MCEMP1: variants seen among roughly 807,000 people sequenced by gnomAD.
MCEMP1 encodes the protein mast cell expressed membrane protein 1.
A neutral mutation model predicts 27.9 loss-of-function variants in MCEMP1; 17 were observed. The observed-to-expected ratio is 0.61, with a 90% CI of 0.42 to 0.91. MCEMP1 has a LOEUF of 0.91. Among genes scored for constraint, MCEMP1 ranks in the 40% least tolerant of loss-of-function variants. The probability of loss-of-function intolerance (pLI) is 0.00; values close to 1 mark genes in which losing one functional copy is unlikely to be tolerated. For missense variants in MCEMP1, 200 were observed against 204.8 expected (o/e 0.98, Z 0.14); for synonymous variants, 88 against 76.9 (o/e 1.14, Z -0.76).
Position 7,677,524 on chromosome 19 carries a change from C to G in MCEMP1, c.56-113C>G. The G allele has an allele frequency of 2.7e-6, 3 of 1,096,180 alleles. No individual in the cohort carries two copies. The Admixed American group carries it at 5.5e-5, about 20-fold the overall frequency. The allele number at this position is 1,096,180 out of a possible 1,614,324, so 67.9% of individuals were successfully genotyped here. A position where few individuals can be genotyped will look rare whatever the true frequency, so the allele number is the denominator to read the frequency against. The stretch of plus-strand genomic sequence containing the variant: ...CCAAAAAGCAGATTTTAGCTTCTCA[C>G]TCCTTATCTTTCACCCCCTACAATT... On this transcript the variant is annotated intron_variant, in intron 1 of 6. Transcript: ENST00000333598. This position sits in a 1 kb window ranked among gnomAD's most constrained non-coding sequence, Gnocchi z 4.6.
rs368138357 is a variant in MCEMP1, at chr19:7,678,633, G to A, written c.448+29G>A. ...CCTGTGTAGTCTCGCCTTCTATGGG[G>A]GTTATTTGTCACCAATGCCCGGAGC... On this transcript the variant is annotated intron_variant, in intron 5 of 6. Transcript: ENST00000333598. This position sits in a 1 kb window ranked among gnomAD's most constrained non-coding sequence, Gnocchi z 4.8. The A allele has an allele frequency of 1.3e-6, 2 of 1,583,526 alleles. No homozygotes were observed. Among genetic ancestry groups the A allele is most frequent in the Non-Finnish European group, 1.7e-6 (2 of 1,155,438 alleles).
rs778117035 is a variant in MCEMP1 at position 7,678,444 on chromosome 19, G to T, written c.334+44G>T. ...GGAGACCCGTGGGGTCATGGTGGGG[G>T]TCTGGAGAGGGATGGATGCACAGAC... On this transcript the variant is annotated intron_variant, in intron 4 of 6. Coordinates refer to ENST00000333598, the MANE Select transcript of MCEMP1 (RefSeq NM_174918.3). The surrounding 1 kb of genome is among the most constrained non-coding windows in gnomAD (Gnocchi z 4.8). 4 of 1,613,818 alleles carry T rather than the reference G, an allele frequency of 2.5e-6. No homozygotes were observed. The Admixed American group carries it at 5.0e-5, about 20-fold the overall frequency.
Position 7,677,523 on chromosome 19 carries a change from A to G in MCEMP1, c.56-114A>G, listed in dbSNP as rs2032566664. 4 of 1,079,560 alleles carry G rather than the reference A, an allele frequency of 3.7e-6. No individual in the cohort carries two copies. The Admixed American group carries it at 5.6e-5, about 15-fold the overall frequency. 66.9% of individuals were successfully genotyped at this position (1,079,560 alleles called of 1,614,324 possible). A position where few individuals can be genotyped will look rare whatever the true frequency, so the allele number is the denominator to read the frequency against. ...ACCAAAAAGCAGATTTTAGCTTCTC[A>G]CTCCTTATCTTTCACCCCCTACAAT... On this transcript the variant is annotated intron_variant, in intron 1 of 6. Transcript: ENST00000333598. This position sits in a 1 kb window ranked among gnomAD's most constrained non-coding sequence, Gnocchi z 4.6.
Position 7,679,231 on chromosome 19 carries a change from C to G in MCEMP1, c.*117C>G. On this transcript the variant is annotated 3_prime_UTR_variant, in exon 7 of 7. Coordinates refer to ENST00000333598, the MANE Select transcript of MCEMP1 (RefSeq NM_174918.3). The surrounding 1 kb of genome is among the most constrained non-coding windows in gnomAD (Gnocchi z 4.9). ...TAGTGTGAACCTGCCCCTCGTCCCA[C>G]GTATAGAAAAACCTCGAGTCATGGT... 8.1e-7 allele frequency: 1 copy of G among 1,236,230 alleles called. No homozygotes were observed. Among genetic ancestry groups the G allele is most frequent in the East Asian group, 2.8e-5 (1 of 35,616 alleles). The allele number at this position is 1,236,230 out of a possible 1,614,324, so 76.6% of individuals were successfully genotyped here. A position where few individuals can be genotyped will look rare whatever the true frequency, so the allele number is the denominator to read the frequency against.
chr19:7,678,487 T>C lies in MCEMP1; in HGVS notation c.335-4T>C, dbSNP rs2146254843. ...GCACAGACACCCCTGTTTCATGCCC[T>C]CAGTCTCAAACTCCGTACAAGCATG... On this transcript the variant is annotated splice_polypyrimidine_tract_variant and splice_region_variant and intron_variant, in intron 4 of 6. Coordinates refer to ENST00000333598, the MANE Select transcript of MCEMP1 (RefSeq NM_174918.3). The surrounding 1 kb of genome is among the most constrained non-coding windows in gnomAD (Gnocchi z 4.8). The C allele has an allele frequency of 3.1e-6, 5 of 1,614,000 alleles. No homozygotes were observed. The highest frequency in any genetic ancestry group is 1.7e-5 in the Admixed American group (1 of 60,010).
Position 7,679,279 on chromosome 19 carries a change from C to T in MCEMP1, c.*165C>T, listed in dbSNP as rs2032594565. 2.1e-5 allele frequency: 18 copies of T among 857,996 alleles called. No individual in the cohort carries two copies. In the Admixed American group the frequency reaches 5.3e-4, roughly 25 times the overall value. The allele number at this position is 857,996 out of a possible 1,614,324, so 53.1% of individuals were successfully genotyped here. The stretch of plus-strand genomic sequence containing the variant: ...GGTGAATGAGTGTCTCGGAGTTGCT[C>T]GTGTGTGTGTACACCTGCGTGCGTG... On this transcript the variant is annotated 3_prime_UTR_variant, in exon 7 of 7. Coordinates refer to ENST00000333598, the MANE Select transcript of MCEMP1 (RefSeq NM_174918.3). The surrounding 1 kb of genome is among the most constrained non-coding windows in gnomAD (Gnocchi z 4.9).
At position 7,678,897 on chromosome 19, in the gene MCEMP1, T is replaced by TTCC; in HGVS notation, c.449-27_449-26insTCC. 4.1e-4 allele frequency: 408 copies of TTCC among 993,634 alleles called. No individual in the cohort carries two copies. The highest frequency in any genetic ancestry group is 5.7e-4 in the Non-Finnish European group (370 of 644,544). 61.6% of individuals were successfully genotyped at this position (993,634 alleles called of 1,614,324 possible). On this transcript the variant is annotated intron_variant, in intron 5 of 6. Transcript: ENST00000333598. The surrounding 1 kb of genome is among the most constrained non-coding windows in gnomAD (Gnocchi z 4.8). ...CTCCACCGCAGCTTGACTTATCTGT[T>TTCC]CCCACCCAACCCTCCCCGCCCCCTA...
rs534127562 is a variant in MCEMP1 at position 7,678,998 on chromosome 19, C to G, written c.508+15C>G. Reference sequence around the variant, plus strand: ...GAAAATGCCACGTAAGTTGGCGCCCCGACAGGAGGTGGAGGAGGGTGGGTG... The same window carrying G: ...GAAAATGCCACGTAAGTTGGCGCCCGGACAGGAGGTGGAGGAGGGTGGGTG... On this transcript the variant is annotated intron_variant, in intron 6 of 6. Transcript: ENST00000333598. This position sits in a 1 kb window ranked among gnomAD's most constrained non-coding sequence, Gnocchi z 4.8. The G allele has an allele frequency of 1.9e-6, 3 of 1,599,116 alleles. No homozygotes were observed. Among genetic ancestry groups the G allele is most frequent in the Non-Finnish European group, 2.6e-6 (3 of 1,172,028 alleles).
At position 7,677,157 on chromosome 19, in the gene MCEMP1, G is replaced by T. The variant is rs1280835570; in HGVS notation, c.37G>T (p.Val13Phe). The stretch of plus-strand genomic sequence containing the variant: ...AGCCTTCAGGGACAAGAAACAGGGG[G>T]TCTCAGCCAAGAATCAAGGTTAGGG... ...APAFRDKKQG[V>F]SAKNQGAHDP... The change falls in exon 1 of 7, where the codon GTC (valine) becomes TTC (phenylalanine). Residue 13 changes from valine to phenylalanine, a missense_variant. Physicochemically the swap from Val to Phe is conservative, Grantham distance 50 (BLOSUM62 -1). Coordinates refer to ENST00000333598, the MANE Select transcript of MCEMP1 (RefSeq NM_174918.3). The surrounding 1 kb of genome is among the most constrained non-coding windows in gnomAD (Gnocchi z 4.6). 6.3e-7 allele frequency: 1 copy of T among 1,593,774 alleles called. No individual in the cohort carries two copies. The highest frequency in any genetic ancestry group is 8.5e-7 in the Non-Finnish European group (1 of 1,169,640).
rs2032598628 is a variant in MCEMP1, at chr19:7,679,469, ATG to A, written c.*358_*359del. ...CATGCATGCCTGTGTCATGTGACAT[ATG>A]TGAGTCTCGGCATGTCACGGTGGGT... On this transcript the variant is annotated 3_prime_UTR_variant, in exon 7 of 7. Transcript: ENST00000333598. The surrounding 1 kb of genome is among the most constrained non-coding windows in gnomAD (Gnocchi z 4.9). 3.6e-6 allele frequency: 1 copy of A among 281,214 alleles called. No individual in the cohort carries two copies. Among genetic ancestry groups the A allele is most frequent in the Admixed American group, 5.3e-5 (1 of 18,894 alleles). 17.4% of individuals were successfully genotyped at this position (281,214 alleles called of 1,614,324 possible).
Position 7,678,190 on chromosome 19 carries a change from G to C in MCEMP1, c.232G>C (p.Ala78Pro). ...CATCCTGAGCCTGTACATCCTCCTG[G>C]CCCTGGCCTTTGTCCTCTGCATCAT... ...RAILSLYILL[A>P]LAFVLCIILS... The change falls in exon 3 of 7, where the codon GCC becomes CCC. Residue 78 changes from alanine to proline, a missense_variant. Physicochemically the swap from Ala to Pro is conservative, Grantham distance 27. Transcript: ENST00000333598. The surrounding 1 kb of genome is among the most constrained non-coding windows in gnomAD (Gnocchi z 4.8). 6.2e-7 allele frequency: 1 copy of C among 1,614,052 alleles called. No individual in the cohort carries two copies. The highest frequency in any genetic ancestry group is 8.5e-7 in the Non-Finnish European group (1 of 1,179,996).
chr19:7,677,108 C>A lies in MCEMP1; in HGVS notation c.-13C>A. On this transcript the variant is annotated 5_prime_UTR_variant, in exon 1 of 7. Transcript: ENST00000333598. This position sits in a 1 kb window ranked among gnomAD's most constrained non-coding sequence, Gnocchi z 4.6. ...TGGAAGTGGAGGAAATCTACAAGCA[C>A]CAGGAAGTCAAGATGCAAGCACCAG... 6.3e-7 allele frequency: 1 copy of A among 1,599,976 alleles called. No homozygotes were observed. Among genetic ancestry groups the A allele is most frequent in the Non-Finnish European group, 8.5e-7 (1 of 1,172,882 alleles).
At position 7,678,620 on chromosome 19, in the gene MCEMP1, C is replaced by T. The variant is rs377232049; in HGVS notation, c.448+16C>T. On this transcript the variant is annotated intron_variant, in intron 5 of 6. Transcript: ENST00000333598. The surrounding 1 kb of genome is among the most constrained non-coding windows in gnomAD (Gnocchi z 4.8). ...ACATTAGCAGGTGCCTGTGTAGTCT[C>T]GCCTTCTATGGGGGTTATTTGTCAC... The T allele has an allele frequency of 1.3e-5, 20 of 1,587,986 alleles. No homozygotes were observed. Among genetic ancestry groups the T allele is most frequent in the African/African-American group, 4.2e-5 (3 of 70,948 alleles).
Position 7,678,906 on chromosome 19 carries a change from A to ACCC in MCEMP1, c.449-17_449-15dup. The ACCC allele has an allele frequency of 1.1e-6, 1 of 928,822 alleles. No individual in the cohort carries two copies. The highest frequency in any genetic ancestry group is 3.0e-5 in the East Asian group (1 of 32,804). The allele number at this position is 928,822 out of a possible 1,614,324, so 57.5% of individuals were successfully genotyped here. A position where few individuals can be genotyped will look rare whatever the true frequency, so the allele number is the denominator to read the frequency against. ...AGCTTGACTTATCTGTTCCCACCCA[A>ACCC]CCCTCCCCGCCCCCTAGGCATAAAA... is the stretch of plus-strand genomic sequence containing the variant. On this transcript the variant is annotated splice_polypyrimidine_tract_variant and intron_variant, in intron 5 of 6. Coordinates refer to ENST00000333598, the MANE Select transcript of MCEMP1 (RefSeq NM_174918.3). This position sits in a 1 kb window ranked among gnomAD's most constrained non-coding sequence, Gnocchi z 4.8.
At position 7,678,671 on chromosome 19, in the gene MCEMP1, AG is replaced by A. The variant is rs1287080194; in HGVS notation, c.448+71del. On this transcript the variant is annotated intron_variant, in intron 5 of 6. Coordinates refer to ENST00000333598, the MANE Select transcript of MCEMP1 (RefSeq NM_174918.3). The surrounding 1 kb of genome is among the most constrained non-coding windows in gnomAD (Gnocchi z 4.8). ...CAATGCCCGGAGCTGAGCTGGGGGC[AG>A]GGGATTCAGGGGAGGAGAAAGCCGG... 1.4e-6 allele frequency: 2 copies of A among 1,448,470 alleles called. No individual in the cohort carries two copies. Among genetic ancestry groups the A allele is most frequent in the African/African-American group, 2.8e-5 (2 of 71,386 alleles). The allele number at this position is 1,448,470 out of a possible 1,614,324, so 89.7% of individuals were successfully genotyped here. A position where few individuals can be genotyped will look rare whatever the true frequency, so the allele number is the denominator to read the frequency against.
rs1348417341 is a variant in MCEMP1, at chr19:7,678,026, A to G, written c.146-78A>G. 3 of 1,510,538 alleles carry G rather than the reference A, an allele frequency of 2.0e-6. No individual in the cohort carries two copies. The highest frequency in any genetic ancestry group is 1.4e-5 in the African/African-American group (1 of 71,506). 93.6% of individuals were successfully genotyped at this position (1,510,538 alleles called of 1,614,324 possible). On this transcript the variant is annotated intron_variant, in intron 2 of 6. Coordinates refer to ENST00000333598, the MANE Select transcript of MCEMP1 (RefSeq NM_174918.3). The surrounding 1 kb of genome is among the most constrained non-coding windows in gnomAD (Gnocchi z 4.8). ...TGGTTTTGAGAGGAGCGAGGTGTCCATGGTGTTAGAGACAGTGAGGATGGT... is the reference window on the plus strand; with the variant it reads ...TGGTTTTGAGAGGAGCGAGGTGTCCGTGGTGTTAGAGACAGTGAGGATGGT...
rs925580873 is a variant in MCEMP1 at position 7,679,377 on chromosome 19, T to C, written c.*263T>C. The C allele has an allele frequency of 8.1e-6, 4 of 496,558 alleles. No individual in the cohort carries two copies. Among genetic ancestry groups the C allele is most frequent in the African/African-American group, 7.9e-5 (4 of 50,652 alleles). 30.8% of individuals were successfully genotyped at this position (496,558 alleles called of 1,614,324 possible). On this transcript the variant is annotated 3_prime_UTR_variant, in exon 7 of 7. Transcript: ENST00000333598. This position sits in a 1 kb window ranked among gnomAD's most constrained non-coding sequence, Gnocchi z 4.9. The stretch of plus-strand genomic sequence containing the variant: ...GCGTGTGTGTGCATTTTGCAAAGGG[T>C]GGACATTTCAGTGTATCTCCCAGAA...
rs1189933213 is a variant in MCEMP1, at chr19:7,679,531, T to C, written c.*417T>C. On this transcript the variant is annotated 3_prime_UTR_variant, in exon 7 of 7. Transcript: ENST00000333598. The surrounding 1 kb of genome is among the most constrained non-coding windows in gnomAD (Gnocchi z 4.9). ...TGAGCACCTCCAGCAGATGTCACTC[T>C]GAGTGTGGGTGTTGGTGACATGCAT... The C allele has an allele frequency of 1.5e-5, 3 of 204,510 alleles. No homozygotes were observed. Among genetic ancestry groups the C allele is most frequent in the Non-Finnish European group, 2.9e-5 (3 of 102,070 alleles). The allele number at this position is 204,510 out of a possible 1,614,324, so 12.7% of individuals were successfully genotyped here.
chr19:7,677,572 A>G lies in MCEMP1; in HGVS notation c.56-65A>G. On this transcript the variant is annotated intron_variant, in intron 1 of 6. Transcript: ENST00000333598. This position sits in a 1 kb window ranked among gnomAD's most constrained non-coding sequence, Gnocchi z 4.6. ...ATTTATTGAGTGCAAAGGGTTGGGT[A>G]AAACAAGATCCCGGATCCACTCTCC... is the stretch of plus-strand genomic sequence containing the variant. 1 of 1,454,436 alleles carries G rather than the reference A, an allele frequency of 6.9e-7. No homozygotes were observed. The highest frequency in any genetic ancestry group is 1.7e-5 in the Admixed American group (1 of 59,564). 90.1% of individuals were successfully genotyped at this position (1,454,436 alleles called of 1,614,324 possible).
Sources: gnomAD v4.1 joint callset for allele counts on GRCh38, gnomAD v4.1.1 for gene constraint, Gnocchi (gnomAD v3.1) non-coding constraint, MANE v1.5 for transcripts, NCBI Gene and HGNC (gene_info 2026-07-23, HGNC 2026-07-21) for gene names.